Variants in TACR3 observed in about 807,000 individuals in gnomAD.
TACR3 encodes the protein neuromedin-K receptor.
In TACR3, 34 loss-of-function variants were observed where a neutral mutation model predicts 35.0. That is an observed-to-expected ratio of 0.97 (90% CI 0.74 to 1.30). TACR3 has a LOEUF of 1.30. Ranked by LOEUF, TACR3 falls within the 50% of genes most tolerant of loss-of-function variation. The pLI is 0.00. For synonymous variants in TACR3, 233 were observed against 221.1 expected, an observed-to-expected ratio of 1.05 and a Z score of -0.48; for missense variants, 558 against 591.7, an observed-to-expected ratio of 0.94 and a Z score of 0.59.
intron 3 of TACR3, among the ~76,000 whole-genome samples, chr4:103,642,379 T>C (rs796916201): frequency 6.8e-6 from 1 of 147,340 alleles, no homozygotes; most frequent in African/African-American, 2.6e-5. Flanking sequence ...GTTGCTTTTT[T>C]AAATTGGCAA....
intron 1 of TACR3, among the ~76,000 whole-genome samples, chr4:103,678,394 A>G (rs780689722): frequency 6.6e-6 from 1 of 152,172 alleles, no homozygotes; most frequent in Non-Finnish European, 1.5e-5. Context: ...ATATCTATTT[A>G]GTTGTGCAAG....
intron 1 of TACR3, among the ~76,000 whole-genome samples, chr4:103,691,897 A>G (rs141057297): frequency 0.027 from 4,129 of 152,238 alleles, 202 homozygotes; most frequent in African/African-American, 0.095. Flanking sequence ...TTGAATATCT[A>G]TAGAAACAAT....
chr4:103,605,331 G>T (rs1724329095), intron 3 of TACR3, among the ~76,000 whole-genome samples: 1 of 104,218 alleles, frequency 9.6e-6, no homozygotes, highest in Non-Finnish European at 2.1e-5. Context: ...ATAGTCCTTT[G>T]GGTATATACC....
intron 2 of TACR3, among the ~76,000 whole-genome samples, chr4:103,657,999 C>T (rs1725766421): frequency 1.3e-5 from 2 of 152,178 alleles, no homozygotes; most frequent in South Asian, 2.1e-4. Flanking sequence ...CCCACATAGA[C>T]ATCCTCATAT....
At chr4:103,606,595 T>A (rs1317636103) in intron 3 of TACR3, among the ~76,000 whole-genome samples, 1 of 152,188 alleles carries the variant, frequency 6.6e-6, no homozygotes, top group Admixed American at 6.5e-5. Flanking sequence ...CAATTGTGAA[T>A]GGGAGTTCAC....
At position 103,719,361 on chromosome 4, in the gene TACR3, G is replaced by C; in HGVS notation, c.315C>G (p.Ile105Met). 6.2e-7 allele frequency: 1 copy of C among 1,614,246 alleles called. No individual in the cohort carries two copies. Among genetic ancestry groups the C allele is most frequent in the Non-Finnish European group, 8.5e-7 (1 of 1,180,044 alleles). ...VVAVAVLGNL[I>M]VIWIILAHKR... ...TGTGGGCCAGGATGATCCAGATGACGATGAGATTTCCCAAAACTGCCACTG... is the reference window on the plus strand; with the variant it reads ...TGTGGGCCAGGATGATCCAGATGACCATGAGATTTCCCAAAACTGCCACTG... The change falls in exon 1 of 5, where the codon ATC (isoleucine) becomes ATG (methionine). Residue 105 changes from isoleucine to methionine, a missense_variant. Transcript: ENST00000304883.
intron 1 of TACR3, among the ~76,000 whole-genome samples, chr4:103,718,846 A>T (rs973683128): frequency 6.6e-6 from 1 of 152,154 alleles, no homozygotes; most frequent in African/African-American, 2.4e-5. Context: ...CCTACTTGGA[A>T]GGGCATTTTC....
chr4:103,697,028 T>G (rs940017365), intron 1 of TACR3, among the ~76,000 whole-genome samples: 1 of 152,058 alleles, frequency 6.6e-6, no homozygotes, highest in Non-Finnish European at 1.5e-5. Flanking sequence ...ATCCTCCCAT[T>G]TCTGCCTCCC....
Position 103,586,221 on chromosome 4 carries a change from A to G in TACR3, c.*3461T>C, listed in dbSNP as rs1202681177. ...ATATAAACAGATTTTTCATATATAT[A>G]TATATATGTATGAAAACACAAAACT... On this transcript the variant is annotated 3_prime_UTR_variant, in exon 5 of 5. Transcript: ENST00000304883. 1 of 151,790 alleles carries G rather than the reference A, an allele frequency of 6.6e-6. No homozygotes were observed. Among genetic ancestry groups the G allele is most frequent in the Non-Finnish European group, 1.5e-5 (1 of 67,940 alleles). The allele number at this position is 151,790 out of a possible 1,614,324, so 9.4% of individuals were successfully genotyped here. A position where few individuals can be genotyped will look rare whatever the true frequency, so the allele number is the denominator to read the frequency against.
At chr4:103,700,721 C>A (rs1212119769) in intron 1 of TACR3, among the ~76,000 whole-genome samples, 2 of 152,136 alleles carry the variant, frequency 1.3e-5, no homozygotes, top group Admixed American at 1.3e-4. Context: ...TGGGCTTCAT[C>A]CCTGGGATGC....
intron 3 of TACR3, among the ~76,000 whole-genome samples, chr4:103,634,135 A>G (rs1725128384): frequency 6.6e-6 from 1 of 152,090 alleles, no homozygotes. Context: ...CACTGCATGA[A>G]CTGTTAGTCA....
chr4:103,623,567 G>A (rs1479985155), intron 3 of TACR3, among the ~76,000 whole-genome samples: 2 of 152,098 alleles, frequency 1.3e-5, no homozygotes, highest in Admixed American at 1.3e-4. Context: ...TGAGACTTAA[G>A]GAGGGTGTGG....
At chr4:103,616,319 T>TG (rs61482941) in intron 3 of TACR3, among the ~76,000 whole-genome samples, 2 of 151,850 alleles carry the variant, frequency 1.3e-5, no homozygotes, top group Non-Finnish European at 2.9e-5. Flanking sequence ...TGTGTGTGTG[T>TG]TTGTGTATCA....
chr4:103,717,936 T>C (rs1560544220), intron 1 of TACR3, among the ~76,000 whole-genome samples: 1 of 152,054 alleles, frequency 6.6e-6, no homozygotes. Context: ...TTAAAAAGTG[T>C]GATTTTGTGT....
At chr4:103,687,286 T>C (rs938746014) in intron 1 of TACR3, among the ~76,000 whole-genome samples, 3 of 152,062 alleles carry the variant, frequency 2.0e-5, no homozygotes, top group African/African-American at 7.2e-5. Flanking sequence ...CCACAGCCAA[T>C]ATCATGCTGA....
At chr4:103,620,051 CA>C (rs1199568410) in intron 3 of TACR3, among the ~76,000 whole-genome samples, 3,109 of 137,702 alleles carry the variant, frequency 0.023, 110 homozygotes, top group African/African-American at 0.077. Context: ...AATCAACAAG[CA>C]AAAAAAAAAA....
intron 3 of TACR3, among the ~76,000 whole-genome samples, chr4:103,599,159 A>G (rs1724123131): frequency 6.6e-6 from 1 of 152,092 alleles, no homozygotes; most frequent in African/African-American, 2.4e-5. Flanking sequence ...CTCCTTGAAG[A>G]GCTCCTTCAT....
chr4:103,614,653 C>T (rs1724592596), intron 3 of TACR3, among the ~76,000 whole-genome samples: 1 of 151,894 alleles, frequency 6.6e-6, no homozygotes, highest in African/African-American at 2.4e-5. Context: ...GTAATTTGCC[C>T]AAGGACACAA....
chr4:103,654,727 T>C (rs1357788281), intron 3 of TACR3, among the ~76,000 whole-genome samples: 2 of 151,046 alleles, frequency 1.3e-5, no homozygotes, highest in Non-Finnish European at 3.0e-5. Flanking sequence ...AAGAAATAAA[T>C]GACAGAAACT....
Sources: gnomAD v4.1 joint callset for allele counts (sites outside exome capture counted in the v4.1 genomes callset) on GRCh38, gnomAD v4.1.1 for gene constraint, MANE v1.5 for transcripts, NCBI Gene and HGNC (gene_info 2026-07-23, HGNC 2026-07-21) for gene names.